The following SUCLG2 variants were observed in gnomAD, a reference collection of about 807,000 sequenced individuals.
SUCLG2 encodes succinate--CoA ligase [GDP-forming] subunit beta, mitochondrial.
In SUCLG2, 42 loss-of-function variants were observed where a neutral mutation model predicts 47.9. The ratio of observed to expected loss-of-function variants is 0.88; its 90% CI spans 0.69 to 1.14. The LOEUF is 1.14. SUCLG2 is among the 50% of genes most tolerant of loss of function. The probability of loss-of-function intolerance (pLI) is 0.00; values close to 1 mark genes in which losing one functional copy is unlikely to be tolerated. For missense variants in SUCLG2, 571 were observed against 525.9 expected (o/e 1.09, Z -0.84); for synonymous variants, 195 against 197.3 (o/e 0.99, Z 0.10).
At chr3:67,404,355 AAT>A (rs960433692) in intron 9 of SUCLG2, among the ~76,000 whole-genome samples, 11 of 152,074 alleles carry the variant, frequency 7.2e-5, no homozygotes, top group Admixed American at 2.6e-4. Flanking sequence ...AGAGAGAGAG[AAT>A]GAGTGAACAA....
intron 2 of SUCLG2, among the ~76,000 whole-genome samples, chr3:67,578,013 G>C (rs970221715): frequency 2.6e-5 from 4 of 152,062 alleles, no homozygotes; most frequent in Middle Eastern, 3.4e-3. Flanking sequence ...GGTGAAGTAA[G>C]GGGGGAAGAC....
In SUCLG2 at chr3:67,518,296, G is replaced by A. The variant is rs1441634259; in HGVS notation, c.611C>T (p.Ala204Val). Residue 204 changes from alanine (A) to valine (V), a missense_variant, in exon 6 of 11, where the codon GCT (alanine) becomes GTT (valine). Coordinates refer to ENST00000307227, the MANE Select transcript of SUCLG2 (RefSeq NM_003848.4). ...DIFEGIKDSQAQRMAENLGFV... is the reference protein window; with the variant it reads ...DIFEGIKDSQVQRMAENLGFV... ...GCCTAGATTTTCGGCCATCCGCTGA[G>A]CTTGGCTGTCCTTTATTCCTTCAAA... 1.2e-6 allele frequency: 2 copies of A among 1,612,552 alleles called. No individual in the cohort carries two copies. The highest frequency in any genetic ancestry group is 3.3e-5 in the Admixed American group (2 of 59,868).
chr3:67,495,694 A>T (rs1705316834), intron 9 of SUCLG2, 104 bp downstream of exon 9: 2 of 1,281,406 alleles, frequency 1.6e-6, no homozygotes, highest in African/African-American at 1.5e-5. Flanking sequence ...GGGGCTGCAG[A>T]GTACACATAT....
intron 9 of SUCLG2, among the ~76,000 whole-genome samples, chr3:67,462,345 C>T (rs1390735826): frequency 6.6e-6 from 1 of 152,192 alleles, no homozygotes; most frequent in Non-Finnish European, 1.5e-5. Context: ...GAATGCTGCA[C>T]AGAGAGGCCA....
intron 9 of SUCLG2, among the ~76,000 whole-genome samples, chr3:67,423,524 T>A (rs1703222848): frequency 6.6e-6 from 1 of 152,136 alleles, no homozygotes; most frequent in Admixed American, 6.5e-5. Flanking sequence ...CCTCCCAACA[T>A]CCACCAACTT....
intron 4 of SUCLG2, among the ~76,000 whole-genome samples, chr3:67,523,858 C>T (rs1270231978): frequency 2.0e-5 from 3 of 152,108 alleles, no homozygotes; most frequent in Admixed American, 6.6e-5. Context: ...AGAGGCAACA[C>T]AAAATTATAA....
At chr3:67,542,866 T>C (rs1706755590) in intron 2 of SUCLG2, among the ~76,000 whole-genome samples, 1 of 152,072 alleles carries the variant, frequency 6.6e-6, no homozygotes, top group Non-Finnish European at 1.5e-5. Context: ...TCCCACACAA[T>C]AATAGTGGGA....
chr3:67,400,739 C>A lies in SUCLG2; in HGVS notation c.1175G>T (p.Arg392Leu). ...ELELKVPLVV[R>L]LEGTNVQEAQ... The stretch of plus-strand genomic sequence containing the variant: ...AATCTACCATGACTCACCTTCAAGC[C>A]GGACCACCAGGGGCACCTTGAGTTC... The change falls in exon 10 of 11, where the codon CGG (arginine) becomes CTG (leucine). Residue 392 changes from arginine (R) to leucine (L), a missense_variant. Coordinates refer to ENST00000307227, the MANE Select transcript of SUCLG2 (RefSeq NM_003848.4). 6.2e-7 allele frequency: 1 copy of A among 1,611,730 alleles called. No individual in the cohort carries two copies. The highest frequency in any genetic ancestry group is 8.5e-7 in the Non-Finnish European group (1 of 1,179,906).
intron 1 of SUCLG2, among the ~76,000 whole-genome samples, chr3:67,648,653 TG>T (rs1559612337): frequency 6.6e-6 from 1 of 152,204 alleles, no homozygotes; most frequent in African/African-American, 2.4e-5. Flanking sequence ...AGAAATAATG[TG>T]TGGAGATTAC....
intron 10 of SUCLG2, among the ~76,000 whole-genome samples, chr3:67,378,242 C>A (rs1702077946): frequency 6.6e-6 from 1 of 152,186 alleles, no homozygotes; most frequent in African/African-American, 2.4e-5. Context: ...ATCCGTCCCC[C>A]TTGAGTATGA....
At chr3:67,592,019 C>T (rs115710571) in intron 2 of SUCLG2, among the ~76,000 whole-genome samples, 75 of 152,302 alleles carry the variant, frequency 4.9e-4, no homozygotes, top group African/African-American at 1.6e-3. Flanking sequence ...GATTTCCATA[C>T]ACTGATCTGA....
intron 9 of SUCLG2, among the ~76,000 whole-genome samples, chr3:67,457,710 T>TA (rs61247316): frequency 7.8e-6 from 1 of 127,490 alleles, no homozygotes. Context: ...TTTTTTTTTT[T>TA]AGCTGTTTTT....
intron 2 of SUCLG2, among the ~76,000 whole-genome samples, chr3:67,531,881 G>A (rs539696758): frequency 5.9e-5 from 9 of 152,172 alleles, no homozygotes; most frequent in South Asian, 2.1e-4. Flanking sequence ...TCTTCATTCA[G>A]TATTTACCAA....
intron 2 of SUCLG2, among the ~76,000 whole-genome samples, chr3:67,578,876 G>C (rs1437757819): frequency 6.6e-6 from 1 of 152,156 alleles, no homozygotes; most frequent in African/African-American, 2.4e-5. Flanking sequence ...GGAGAAAAAG[G>C]GTTCCCAGGC....
At chr3:67,653,858 C>A (rs1219349530) in intron 1 of SUCLG2, among the ~76,000 whole-genome samples, 1 of 152,228 alleles carries the variant, frequency 6.6e-6, no homozygotes, top group African/African-American at 2.4e-5. Flanking sequence ...TGATTTCATT[C>A]TCCATCAACA....
intron 1 of SUCLG2, among the ~76,000 whole-genome samples, chr3:67,653,090 T>A (rs781161622): frequency 6.6e-6 from 1 of 152,236 alleles, no homozygotes; most frequent in East Asian, 1.9e-4. Context: ...GTTAGGGAAG[T>A]AGGCTTCACA....
chr3:67,578,006 G>C (rs1338240276), intron 2 of SUCLG2, among the ~76,000 whole-genome samples: 2 of 152,014 alleles, frequency 1.3e-5, no homozygotes, highest in African/African-American at 4.8e-5. Context: ...GAGAGCAGGT[G>C]AAGTAAGGGG....
chr3:67,547,132 G>C (rs1706887649), intron 2 of SUCLG2, among the ~76,000 whole-genome samples: 2 of 152,118 alleles, frequency 1.3e-5, no homozygotes, highest in Admixed American at 1.3e-4. Context: ...GAGACCTCCT[G>C]CATGGGATTA....
intron 2 of SUCLG2, among the ~76,000 whole-genome samples, chr3:67,592,739 AC>A (rs796203953): frequency 0.024 from 1,313 of 55,288 alleles, 66 homozygotes; most frequent in African/African-American, 0.087. Context: ...AAAAAAAACA[AC>A]AAAAAAAAAC....
Sources: allele counts gnomAD v4.1 joint callset (sites outside exome capture counted in the v4.1 genomes callset), GRCh38; gene constraint gnomAD v4.1.1; transcripts MANE v1.5; gene names NCBI Gene and HGNC (gene_info 2026-07-23, HGNC 2026-07-21).